POC1B: variants seen among roughly 807,000 people sequenced by gnomAD.
POC1B encodes the protein POC1 centriolar protein homolog B.
In POC1B, 44 loss-of-function variants were observed where a neutral mutation model predicts 60.6. That is an observed-to-expected ratio of 0.73 (90% CI 0.57 to 0.93). The LOEUF (loss-of-function observed/expected upper bound fraction) is 0.93. Among genes scored for constraint, POC1B ranks in the 40% least tolerant of loss-of-function variants. The pLI, the probability that POC1B is intolerant of heterozygous loss-of-function variation, is 0.00. For synonymous variants in POC1B, 180 were observed against 198.9 expected, an observed-to-expected ratio of 0.90 and a Z score of 0.80; for missense variants, 555 against 572.3, an observed-to-expected ratio of 0.97 and a Z score of 0.31.
chr12:89,488,739 G>A (rs1457703733), intron 4 of POC1B, among the ~76,000 whole-genome samples: 1 of 152,016 alleles, frequency 6.6e-6, no homozygotes, highest in African/African-American at 2.4e-5. Context: ...TGCCAGCTTC[G>A]GCCTCCCAAA....
In POC1B at chr12:89,463,251, A is replaced by T. The variant is rs74959576; in HGVS notation, c.1032+3519T>A. Among the ~76,000 whole-genome samples the T allele has an allele frequency of 1.3e-3, 193 of 152,310 alleles. 3 individuals are homozygous for T. The East Asian group carries it at 0.024, about 19-fold the overall frequency. On this transcript the variant is annotated intron_variant, in intron 9 of 11. Coordinates refer to ENST00000313546, the MANE Select transcript of POC1B (RefSeq NM_172240.3). Reference sequence around the variant, plus strand: ...AAAGCCATCAGAACATTATTTTATTAAAAAAATCTTTTTAACCAATTATAA... The same window carrying T: ...AAAGCCATCAGAACATTATTTTATTTAAAAAATCTTTTTAACCAATTATAA...
chr12:89,503,430 A>G (rs1391908196), intron 2 of POC1B, among the ~76,000 whole-genome samples: 1 of 152,208 alleles, frequency 6.6e-6, no homozygotes, highest in Non-Finnish European at 1.5e-5. Flanking sequence ...AATGTTGCCG[A>G]GGCTGGAGTG....
At chr12:89,428,746 CG>C (rs1880887279) in intron 10 of POC1B, 1 of 152,140 alleles carries the variant, frequency 6.6e-6, no homozygotes, top group Non-Finnish European at 1.5e-5. Context: ...TCAGTAGAGA[CG>C]GGGTTTCACC....
At chr12:89,455,355 GAAA>G (rs1030882223) in intron 10 of POC1B, among the ~76,000 whole-genome samples, 1 of 151,944 alleles carries the variant, frequency 6.6e-6, no homozygotes, top group African/African-American at 2.4e-5. Context: ...AAAGAAAAAA[GAAA>G]AAAAGAACTG....
At chr12:89,409,380 A>C in the POC1B span, among the ~76,000 whole-genome samples, 9 of 152,314 alleles carry the variant, frequency 5.9e-5, no homozygotes, top group Admixed American at 5.2e-4. Context: ...TAAACAGGGA[A>C]TCCTTTCCCC....
chr12:89,500,442 G>A (rs1337867095), intron 2 of POC1B: 10 of 1,552,290 alleles, frequency 6.4e-6, no homozygotes, highest in African/African-American at 4.1e-5. Flanking sequence ...CATGAAGTTC[G>A]TCAGAAAATT....
chr12:89,433,883 G>A (rs1230401582), intron 10 of POC1B, among the ~76,000 whole-genome samples: 1 of 152,170 alleles, frequency 6.6e-6, no homozygotes. Flanking sequence ...GGATCCATTA[G>A]GGAAACAGAA....
At chr12:89,525,064 T>TTTCCGGC in intron 2 of POC1B, 56 bp downstream of exon 2, 1 of 1,609,974 alleles carries the variant, frequency 6.2e-7, no homozygotes, top group Non-Finnish European at 8.5e-7. Context: ...GGAGGAAAGG[T>TTTCCGGC]TTCCGGCCCA....
intron 4 of POC1B, among the ~76,000 whole-genome samples, chr12:89,483,874 A>C (rs1253058384): frequency 6.6e-6 from 1 of 152,370 alleles, no homozygotes; most frequent in Non-Finnish European, 1.5e-5. Context: ...ACACAAATGA[A>C]TAAAGAATGC....
chr12:89,441,888 G>A (rs1397627848), intron 10 of POC1B, among the ~76,000 whole-genome samples: 11 of 152,098 alleles, frequency 7.2e-5, no homozygotes, highest in African/African-American at 2.2e-4. Flanking sequence ...AAGATTAGAC[G>A]AATGGCTAAC....
intron 9 of POC1B, chr12:89,460,147 T>C (rs1270811612): frequency 8.9e-6 from 2 of 225,632 alleles, no homozygotes; most frequent in African/African-American, 4.7e-5. Flanking sequence ...GCTAAATCAT[T>C]AGAATAGTCA....
At chr12:89,465,104 C>T (rs888284501) in intron 9 of POC1B, among the ~76,000 whole-genome samples, 7 of 152,150 alleles carry the variant, frequency 4.6e-5, no homozygotes, top group African/African-American at 1.4e-4. Flanking sequence ...TAGGGGTATA[C>T]GTGAAAAATT....
rs1555182599 is a variant in POC1B at position 89,466,872 on chromosome 12, G to C, written c.930C>G (p.Thr310=). The C allele has an allele frequency of 1.9e-6, 3 of 1,612,874 alleles. No individual in the cohort carries two copies. The highest frequency in any genetic ancestry group is 1.7e-6 in the Non-Finnish European group (2 of 1,179,202). Residue 310 remains threonine, a synonymous_variant, in exon 9 of 12, where the codon ACC becomes ACG. Coordinates refer to ENST00000313546, the MANE Select transcript of POC1B (RefSeq NM_172240.3). ...AATGTAATCTTTTGAGATTTCTTTT[G>C]GTAAGACCTTTACAATGCAATTCAT... is the stretch of plus-strand genomic sequence containing the variant. ...NFDELHCKGL[T]KRNLKRLHFD...
rs367573914 is a variant in POC1B, at chr12:89,471,608, T to C, written c.676+6A>G. 6 of 1,592,142 alleles carry C rather than the reference T, an allele frequency of 3.8e-6. No homozygotes were observed. The highest frequency in any genetic ancestry group is 5.2e-6 in the Non-Finnish European group (6 of 1,162,934). On this transcript the variant is annotated splice_donor_region_variant and intron_variant, in intron 6 of 11. Coordinates refer to ENST00000313546, the MANE Select transcript of POC1B (RefSeq NM_172240.3). The stretch of plus-strand genomic sequence containing the variant: ...TAACTGAATTTTTTGTTAGGAAAAT[T>C]GTTACCTTGGTAATGCTGTAGTAAT...
At chr12:89,443,017 T>C (rs1470917941) in intron 10 of POC1B, among the ~76,000 whole-genome samples, 2 of 152,202 alleles carry the variant, frequency 1.3e-5, no homozygotes, top group Admixed American at 6.5e-5. Flanking sequence ...GGCCATTACA[T>C]AATGGTCAAG....
At chr12:89,471,799 C>T in intron 5 of POC1B, 70 bp from the exon 6 acceptor site, 1 of 936,276 alleles carries the variant, frequency 1.1e-6, no homozygotes, top group South Asian at 1.7e-5. Context: ...CGGAATCTCA[C>T]TCTTGTCACC....
At position 89,425,282 on chromosome 12, in the gene POC1B, G is replaced by T; in HGVS notation, c.1211C>A (p.Thr404Lys). The T allele has an allele frequency of 1.2e-6, 2 of 1,614,070 alleles. No individual in the cohort carries two copies. Among genetic ancestry groups the T allele is most frequent in the Non-Finnish European group, 1.7e-6 (2 of 1,180,016 alleles). ...GTCTTCTGTTTTCTTTTTCGTGGTT[G>T]TTGGCAAACATTCTGGTGACATTAA... ...PSLMSPECLP[T>K]TTKKKTEDMS... Residue 404 changes from threonine to lysine, a missense_variant, in exon 11 of 12, where the codon ACA becomes AAA. By Grantham distance (78) the Thr-to-Lys change is moderately conservative. Coordinates refer to ENST00000313546, the MANE Select transcript of POC1B (RefSeq NM_172240.3).
intron 1 of POC1B, chr12:89,525,434 C>A: frequency 7.2e-7 from 1 of 1,380,030 alleles, no homozygotes; most frequent in South Asian, 1.6e-5. Context: ...ACGCTCTGTT[C>A]GCGCTTCCCA....
chr12:89,496,252 A>G (rs923816762), intron 3 of POC1B, among the ~76,000 whole-genome samples: 7 of 152,072 alleles, frequency 4.6e-5, no homozygotes, highest in Non-Finnish European at 8.8e-5. Flanking sequence ...TTGTGCTCCT[A>G]TGAGAATCTA....
Sources: gnomAD v4.1 joint callset for allele counts (sites outside exome capture counted in the v4.1 genomes callset) on GRCh38, gnomAD v4.1.1 for gene constraint, MANE v1.5 for transcripts, NCBI Gene and HGNC (gene_info 2026-07-23, HGNC 2026-07-21) for gene names.